The following CFAP46 variants were observed in gnomAD, a reference collection of about 807,000 sequenced individuals.
The protein encoded by CFAP46 is cilia and flagella associated protein 46, also known as cilia- and flagella-associated protein 46.
In CFAP46, 245 loss-of-function variants were observed where a neutral mutation model predicts 325.7. That is an observed-to-expected ratio of 0.75 (90% confidence interval 0.68 to 0.84). The LOEUF (loss-of-function observed/expected upper bound fraction) is 0.84. Ranked by LOEUF, CFAP46 falls within the 40% of genes least tolerant of loss-of-function variation. CFAP46 has a pLI of 0.00. For synonymous variants in CFAP46, 1,523 were observed against 1,495.9 expected (o/e 1.02, Z -0.42); for missense variants, 3,346 against 3,543.0 (o/e 0.94, Z 1.41).
In CFAP46 at chr10:132,812,792, G is replaced by A. The variant is rs1402647040; in HGVS notation, c.7494C>T (p.Asn2498=). ...HILVERLVAM[N]LQECQVAVLL... ...TGAGAGGACACCTCTCACCTTGCAAGTTCATGGCGACCAATCTCTCCACTA... is the reference window on the plus strand; with the variant it reads ...TGAGAGGACACCTCTCACCTTGCAAATTCATGGCGACCAATCTCTCCACTA... The change falls in exon 55 of 58, where the codon AAC becomes AAT. Residue 2498 remains asparagine, a synonymous_variant. Coordinates refer to ENST00000368586, the MANE Select transcript of CFAP46 (RefSeq NM_001200049.3). 6.2e-7 allele frequency: 1 copy of A among 1,611,478 alleles called. No homozygotes were observed. The highest frequency in any genetic ancestry group is 8.5e-7 in the Non-Finnish European group (1 of 1,179,120).
chr10:132,922,038 G>A lies in CFAP46; in HGVS notation c.1606+66C>T, dbSNP rs1036170132. On this transcript the variant is annotated intron_variant, in intron 13 of 57. Coordinates refer to ENST00000368586, the MANE Select transcript of CFAP46 (RefSeq NM_001200049.3). Reference sequence around the variant, plus strand: ...GGAGCATGGGGACTGGGGAGGCCCCGGGGCAGCCTGGGAGCCATTCCAAGG... The same window carrying A: ...GGAGCATGGGGACTGGGGAGGCCCCAGGGCAGCCTGGGAGCCATTCCAAGG... 278 of 1,506,722 alleles carry A rather than the reference G, an allele frequency of 1.8e-4. 1 individual carries two copies. Among genetic ancestry groups the A allele is most frequent in the South Asian group, 7.5e-5 (6 of 79,688 alleles). 93.3% of individuals were successfully genotyped at this position (1,506,722 alleles called of 1,614,324 possible).
intron 24 of CFAP46, among the ~76,000 whole-genome samples, chr10:132,894,546 A>T (rs1391499140): frequency 6.6e-6 from 1 of 152,226 alleles, no homozygotes; most frequent in Non-Finnish European, 1.5e-5. Context: ...TGGTTCTTCA[A>T]AAAGATCAAC....
intron 39 of CFAP46, among the ~76,000 whole-genome samples, 188 bp downstream of exon 39, chr10:132,857,402 A>G (rs1372418308): frequency 6.6e-6 from 1 of 152,210 alleles, no homozygotes; most frequent in Non-Finnish European, 1.5e-5. Context: ...GCTGACGTCT[A>G]GTGTTTTCAA....
At chr10:132,915,601 C>T (rs562732482) in intron 17 of CFAP46, among the ~76,000 whole-genome samples, 27 of 151,636 alleles carry the variant, frequency 1.8e-4, no homozygotes, top group East Asian at 7.9e-4. Flanking sequence ...GGCGGGGCGC[C>T]GTGCCCAGCT....
intron 50 of CFAP46, among the ~76,000 whole-genome samples, chr10:132,821,311 G>C (rs1847815807): frequency 2.2e-5 from 3 of 137,136 alleles, no homozygotes; most frequent in African/African-American, 2.9e-5. Context: ...GCTGTGTGTT[G>C]TGTGTGCTGT....
At chr10:132,900,525 G>C (rs1277887647) in intron 22 of CFAP46, among the ~76,000 whole-genome samples, 1 of 152,256 alleles carries the variant, frequency 6.6e-6, no homozygotes. Context: ...GGGTCCCAGA[G>C]CCAGGAATCT....
chr10:132,907,948 C>G (rs1437733488), intron 22 of CFAP46, among the ~76,000 whole-genome samples: 2 of 152,260 alleles, frequency 1.3e-5, no homozygotes, highest in African/African-American at 4.8e-5. Context: ...GAACTGTGAG[C>G]AGGAACCATC....
chr10:132,826,242 G>A (rs71481961), intron 50 of CFAP46, among the ~76,000 whole-genome samples: 41 of 94,598 alleles, frequency 4.3e-4, no homozygotes, highest in East Asian at 3.4e-4. Context: ...GGCAGGAGCC[G>A]GAGCCACGGA....
chr10:132,919,757 C>T lies in CFAP46; in HGVS notation c.1730+302G>A, dbSNP rs1053469398. Among the ~76,000 whole-genome samples, 1 of 152,022 alleles carries T rather than the reference C, an allele frequency of 6.6e-6. No homozygotes were observed. The highest frequency in any genetic ancestry group is 2.4e-5 in the African/African-American group (1 of 41,408). ...CCGGGGATGGTACCGACCGCAGGGT[C>T]GGTACCAAAAATCAGCCTGCTCTGG... On this transcript the variant is annotated intron_variant, in intron 14 of 57. Coordinates refer to ENST00000368586, the MANE Select transcript of CFAP46 (RefSeq NM_001200049.3). The surrounding 1 kb of genome is among the most constrained non-coding windows in gnomAD (Gnocchi z 9.7).
At chr10:132,912,449 C>G (rs1849560222) in intron 19 of CFAP46, among the ~76,000 whole-genome samples, 1 of 59,866 alleles carries the variant, frequency 1.7e-5, no homozygotes. Context: ...CCTCTCCTCT[C>G]TCTCTCTCTT....
intron 41 of CFAP46, among the ~76,000 whole-genome samples, chr10:132,848,081 C>A (rs1302495278): frequency 2.0e-5 from 3 of 152,116 alleles, no homozygotes; most frequent in Non-Finnish European, 4.4e-5. Flanking sequence ...TTACCAAAAC[C>A]AACCAGGGCT....
chr10:132,900,486 G>A (rs563806570), intron 22 of CFAP46, among the ~76,000 whole-genome samples: 2 of 152,384 alleles, frequency 1.3e-5, no homozygotes, highest in African/African-American at 4.8e-5. Context: ...AAAGATGCTG[G>A]CTCACGGGTA....
At chr10:132,871,960 CTTATT>C (rs1183599164) in intron 32 of CFAP46, among the ~76,000 whole-genome samples, 11 of 152,308 alleles carry the variant, frequency 7.2e-5, no homozygotes, top group East Asian at 1.9e-4. Flanking sequence ...TTATTGTTGT[CTTATT>C]TTAAGAAATT....
At chr10:132,879,761 G>T (rs1849011573) in intron 28 of CFAP46, 130 bp from the exon 29 acceptor site, 2 of 929,970 alleles carry the variant, frequency 2.2e-6, no homozygotes, top group Non-Finnish European at 3.0e-6. Flanking sequence ...GCTCCACTCT[G>T]CTGAGGGCCG....
chr10:132,878,512 G>A (rs1008408981), intron 29 of CFAP46, among the ~76,000 whole-genome samples: 4 of 152,234 alleles, frequency 2.6e-5, no homozygotes, highest in Non-Finnish European at 4.4e-5. Context: ...TGACACCTGG[G>A]GGTCTGGGGC....
In CFAP46 at chr10:132,860,430, C is replaced by T; in HGVS notation, c.5185G>A (p.Asp1729Asn). 3 of 1,550,474 alleles carry T rather than the reference C, an allele frequency of 1.9e-6. No homozygotes were observed. Among genetic ancestry groups the T allele is most frequent in the Non-Finnish European group, 2.6e-6 (3 of 1,146,378 alleles). The change falls in exon 37 of 58, where the codon GAT becomes AAT. Residue 1729 changes from aspartate to asparagine, a missense_variant. Physicochemically the swap from Asp to Asn is conservative, Grantham distance 23. Coordinates refer to ENST00000368586, the MANE Select transcript of CFAP46 (RefSeq NM_001200049.3). ...ACAAAGAGTTACCTGGCTTCTAGATCTGTGATCATGAATTCCAGTAAAGGC... is the reference window on the plus strand; with the variant it reads ...ACAAAGAGTTACCTGGCTTCTAGATTTGTGATCATGAATTCCAGTAAAGGC... ...RLPLLEFMIT[D>N]LEARCLSLRV... is the part of the protein sequence containing the mutation.
chr10:132,905,934 G>A (rs535504716), intron 22 of CFAP46, among the ~76,000 whole-genome samples: 2 of 152,366 alleles, frequency 1.3e-5, no homozygotes, highest in Admixed American at 1.3e-4. Context: ...CATCAAAGGA[G>A]GTGAGTTTTC....
At chr10:132,902,015 G>C (rs548203609) in intron 22 of CFAP46, among the ~76,000 whole-genome samples, 1 of 152,268 alleles carries the variant, frequency 6.6e-6, no homozygotes, top group East Asian at 1.9e-4. Flanking sequence ...TCCAGGATCT[G>C]CTCCCGGTCT....
At chr10:132,820,439 C>A (rs546511819) in intron 50 of CFAP46, among the ~76,000 whole-genome samples, 5 of 152,136 alleles carry the variant, frequency 3.3e-5, no homozygotes, top group African/African-American at 1.2e-4. Context: ...GGGTACACAG[C>A]GCTGATGTGT....
Sources: gnomAD v4.1 joint callset for allele counts (sites outside exome capture counted in the v4.1 genomes callset) on GRCh38, gnomAD v4.1.1 for gene constraint, Gnocchi (gnomAD v3.1) non-coding constraint, MANE v1.5 for transcripts, NCBI Gene and HGNC (gene_info 2026-07-23, HGNC 2026-07-21) for gene names.